The following CNOT1 variants were observed in gnomAD, a reference collection of about 807,000 sequenced individuals.
The protein encoded by CNOT1 is CCR4-associated factor 1.
A neutral mutation model predicts 273.8 loss-of-function variants in CNOT1; 15 were observed. The ratio of observed to expected loss-of-function variants is 0.05; its 90% CI spans 0.04 to 0.08. The LOEUF is 0.08. Ranked by LOEUF, CNOT1 falls within the 10% of genes least tolerant of loss-of-function variation. CNOT1 has a pLI of 1.00. For missense variants in CNOT1, 1,644 were observed against 2,912.2 expected (o/e 0.56, Z 10.02); for synonymous variants, 1,022 against 1,005.5 (o/e 1.02, Z -0.31).
intron 33 of CNOT1, 67 bp from the exon 34 acceptor site, chr16:58,541,687 G>T: frequency 6.5e-7 from 1 of 1,538,030 alleles, no homozygotes; most frequent in South Asian, 1.1e-5. Flanking sequence ...TTTGAAAGTG[G>T]AAAGTCTGCA....
In CNOT1 at chr16:58,551,685, T is replaced by A. The variant is rs77874821; in HGVS notation, c.3105A>T (p.Gln1035His). The change falls in exon 23 of 49, where the codon CAA becomes CAT. Residue 1035 changes from glutamine to histidine, a missense_variant. Around this residue, in one of 13 missense-constraint regions of CNOT1, gnomAD observed 77 missense variants for 90.5 expected, o/e 0.85. Coordinates refer to ENST00000317147, the MANE Select transcript of CNOT1 (RefSeq NM_016284.5). ...TTGAGGTGGTTACCATAGTGCTAAC[T>A]TGACCAGCAAGAGGAGCTTTTGCTG... ...QVPAKAPLAG[Q>H]VSTMVTTSTT... 5 of 1,614,206 alleles carry A rather than the reference T, an allele frequency of 3.1e-6. No homozygotes were observed. In the East Asian group the frequency reaches 1.1e-4, roughly 36 times the overall value.
At chr16:58,542,357 G>C (rs1232127899) in intron 32 of CNOT1, 22 bp from the exon 33 acceptor site, 2 of 1,613,894 alleles carry the variant, frequency 1.2e-6, no homozygotes, top group Non-Finnish European at 1.7e-6. Context: ...AAAAGTCACT[G>C]AGGTTCTTGT....
At chr16:58,529,833 T>A (rs1221467349) in intron 43 of CNOT1, among the ~76,000 whole-genome samples, 1 of 101,884 alleles carries the variant, frequency 9.8e-6, no homozygotes, top group Non-Finnish European at 1.8e-5. Flanking sequence ...AGAGTGAGAC[T>A]CTGTCTCAAA....
chr16:58,548,749 A>G, intron 25 of CNOT1: 1 of 407,372 alleles, frequency 2.5e-6, no homozygotes, highest in Non-Finnish European at 4.8e-6. Flanking sequence ...AAATACTTGA[A>G]TTTTGTTGAA....
intron 16 of CNOT1, among the ~76,000 whole-genome samples, chr16:58,570,360 G>C (rs1383323435): frequency 6.6e-6 from 1 of 152,190 alleles, no homozygotes; most frequent in Non-Finnish European, 1.5e-5. Flanking sequence ...CAACTGGGCT[G>C]GGTGCAGTGG....
At chr16:58,617,648 C>T (rs1271409153) in intron 1 of CNOT1, among the ~76,000 whole-genome samples, 1 of 152,156 alleles carries the variant, frequency 6.6e-6, no homozygotes, top group Non-Finnish European at 1.5e-5. Flanking sequence ...CCAACAGTGC[C>T]CTTGTTGAGA....
chr16:58,549,639 T>C lies in CNOT1; in HGVS notation c.3522+80A>G, dbSNP rs559205726. Reference sequence around the variant, plus strand: ...AATATTGACAATATATATGGAAAAATAGCAAAAATCCTACCTATATAATCA... The same window carrying C: ...AATATTGACAATATATATGGAAAAACAGCAAAAATCCTACCTATATAATCA... On this transcript the variant is annotated intron_variant, in intron 25 of 48. Transcript: ENST00000317147. 3.8e-5 allele frequency: 57 copies of C among 1,498,650 alleles called. 1 individual carries two copies. Among genetic ancestry groups the C allele is most frequent in the Middle Eastern group, 1.8e-4 (1 of 5,502 alleles). The allele number at this position is 1,498,650 out of a possible 1,614,324, so 92.8% of individuals were successfully genotyped here.
intron 16 of CNOT1, among the ~76,000 whole-genome samples, chr16:58,569,444 A>G (rs7186997): frequency 0.75 from 113,968 of 151,560 alleles, 43,267 homozygotes; most frequent in Middle Eastern, 0.87. Context: ...CACGTTTAAA[A>G]GAAAATATAT....
At chr16:58,601,311 T>C (rs1323429212) in intron 1 of CNOT1, among the ~76,000 whole-genome samples, 1 of 152,182 alleles carries the variant, frequency 6.6e-6, no homozygotes, top group African/African-American at 2.4e-5. Context: ...ATGGCCAGGC[T>C]GGTCTCTTAA....
intron 1 of CNOT1, among the ~76,000 whole-genome samples, chr16:58,623,992 A>C (rs2043455674): frequency 1.4e-5 from 2 of 142,660 alleles, no homozygotes; most frequent in South Asian, 4.4e-4. Context: ...CTCCGGCTCC[A>C]AAAAAAAAAA....
chr16:58,554,935 C>CAAAAGAAAAAAAAAAAAAAAAAAAAAAA, intron 21 of CNOT1, among the ~76,000 whole-genome samples: 1 of 78,910 alleles, frequency 1.3e-5, no homozygotes. Context: ...GACTCCATCT[C>CAAAAGAAAAAAAAAAAAAAAAAAAAAAA]AAAAAAAAAA....
intron 16 of CNOT1, among the ~76,000 whole-genome samples, chr16:58,574,320 C>T (rs2041388210): frequency 6.6e-6 from 1 of 151,580 alleles, no homozygotes; most frequent in African/African-American, 2.4e-5. Context: ...TGGGCAATTG[C>T]TTTTTTTGAG....
chr16:58,542,175 C>T (rs1055152187), intron 33 of CNOT1, 56 bp downstream of exon 33: 1 of 1,594,960 alleles, frequency 6.3e-7, no homozygotes, highest in African/African-American at 1.4e-5. Flanking sequence ...CAATCAACAA[C>T]AACATTAAAA....
intron 31 of CNOT1, 39 bp downstream of exon 31, chr16:58,543,568 A>C (rs1401676409): frequency 1.2e-6 from 2 of 1,614,000 alleles, no homozygotes; most frequent in East Asian, 2.2e-5. Context: ...ACAAGCAGTA[A>C]TACGTTTTGT....
At chr16:58,541,162 G>A (rs1281343890) in intron 34 of CNOT1, among the ~76,000 whole-genome samples, 2 of 152,054 alleles carry the variant, frequency 1.3e-5, no homozygotes, top group Non-Finnish European at 2.9e-5. Context: ...CTGAGATCGC[G>A]CCACTGCACT....
intron 16 of CNOT1, among the ~76,000 whole-genome samples, chr16:58,568,146 C>T (rs2041123198): frequency 6.6e-6 from 1 of 151,896 alleles, no homozygotes; most frequent in African/African-American, 2.4e-5. Flanking sequence ...GCGGGCGAAT[C>T]ACCTGAGGTC....
At chr16:58,571,366 G>A (rs2041267526) in intron 16 of CNOT1, among the ~76,000 whole-genome samples, 3 of 151,922 alleles carry the variant, frequency 2.0e-5, no homozygotes, top group Admixed American at 2.0e-4. Flanking sequence ...GGCCAGCCTG[G>A]GGAACATGGT....
chr16:58,538,620 TAC>T, intron 36 of CNOT1, 150 bp downstream of exon 36: 1 of 1,185,592 alleles, frequency 8.4e-7, no homozygotes, highest in Non-Finnish European at 1.2e-6. Context: ...GGAAAACAAC[TAC>T]TTAACAATTC....
intron 1 of CNOT1, among the ~76,000 whole-genome samples, chr16:58,603,849 T>G (rs1289279136): frequency 6.6e-6 from 1 of 152,170 alleles, no homozygotes; most frequent in African/African-American, 2.4e-5. Flanking sequence ...CATGCATTTT[T>G]CCACATCATA....
Sources: allele counts gnomAD v4.1 joint callset (sites outside exome capture counted in the v4.1 genomes callset), GRCh38; gene constraint gnomAD v4.1.1; regional missense constraint gnomAD v4.1.1; transcripts MANE v1.5; gene names NCBI Gene and HGNC (gene_info 2026-07-23, HGNC 2026-07-21).